Variants in TTN observed in about 807,000 individuals in gnomAD.
The protein encoded by TTN is connectin.
Under a neutral mutation model 3,223.0 loss-of-function variants are expected in TTN, and 1,525 were observed. The ratio of observed to expected loss-of-function variants is 0.47; its 90% CI spans 0.45 to 0.49. The LOEUF is 0.49. TTN is among the 20% of genes least tolerant of loss of function. TTN has a pLI of 0.00. For missense variants in TTN, 40,786 were observed against 43,424.0 expected (o/e 0.94, Z 5.40); for synonymous variants, 14,094 against 15,161.0 (o/e 0.93, Z 5.17).
intron 106 of TTN, 147 bp downstream of exon 106, chr2:178,704,000 G>T: frequency 9.7e-7 from 1 of 1,036,268 alleles, no homozygotes; most frequent in Non-Finnish European, 1.4e-6. Context: ...TATGAACTTT[G>T]AGATGAATAC....
In TTN at chr2:178,719,768, T is replaced by C; in HGVS notation, c.23724A>G (p.Leu7908=). The C allele has an allele frequency of 6.2e-7, 1 of 1,613,632 alleles. No homozygotes were observed. Among genetic ancestry groups the C allele is most frequent in the Admixed American group, 1.7e-5 (1 of 60,002 alleles). ...CTGGTGTTCCAGTCACTACACACTC[T>C]AATGCAAAAGGATTTCCAGTAGTGA... ...MTVTTGNPFA[L]ECVVTGTPEL... Residue 7908 remains leucine (L), a synonymous_variant, in exon 82 of 363, where the codon TTA becomes TTG. Coordinates refer to ENST00000589042, the MANE Select transcript of TTN (RefSeq NM_001267550.2).
intron 99 of TTN, among the ~76,000 whole-genome samples, chr2:178,708,306 T>A (rs1039346750): frequency 1.3e-5 from 2 of 152,224 alleles, no homozygotes; most frequent in Non-Finnish European, 2.9e-5. Context: ...GATGTTCATC[T>A]TTAGCTATTA....
intron 120 of TTN, 82 bp from the exon 121 acceptor site, chr2:178,692,181 C>A (rs777496613): frequency 7.9e-5 from 103 of 1,302,348 alleles, no homozygotes; most frequent in Admixed American, 1.5e-4. Flanking sequence ...AAGCATAAAT[C>A]TTCACTAACA....
At position 178,770,442 on chromosome 2, in the gene TTN, G is replaced by T; in HGVS notation, c.8350C>A (p.Leu2784Ile). Residue 2784 changes from leucine (L) to isoleucine (I), a missense_variant, in exon 35 of 363, where the codon CTT (leucine) becomes ATT (isoleucine). Transcript: ENST00000589042. ...ACGTGCAGTCTGGCACTGGCTCCAA[G>T]CCTTCCAAGCCTGAAGCCATAAACA... ...ESVYGFRLGR[L>I]GASARLHVET... 6.2e-7 allele frequency: 1 copy of T among 1,614,126 alleles called. No homozygotes were observed. Among genetic ancestry groups the T allele is most frequent in the Non-Finnish European group, 8.5e-7 (1 of 1,180,004 alleles).
Position 178,565,903 on chromosome 2 carries a change from TTTAAAA to T in TTN, c.80223_80228del (p.Ser26741_Lys26743delinsArg). The T allele has an allele frequency of 6.2e-7, 1 of 1,613,686 alleles. No homozygotes were observed. The highest frequency in any genetic ancestry group is 8.5e-7 in the Non-Finnish European group (1 of 1,179,668). On this transcript the variant is annotated inframe_deletion, in exon 326 of 363. Coordinates refer to ENST00000589042, the MANE Select transcript of TTN (RefSeq NM_001267550.2). The stretch of plus-strand genomic sequence containing the variant: ...TGGCTCCTTCTGTAAGGTTTTCCAC[TTTAAAA>T]CTTGTTTTGCTGCATTTACTACTCA...
chr2:178,544,599 T>A, intron 344 of TTN, 93 bp from the exon 345 acceptor site: 1 of 1,107,400 alleles, frequency 9.0e-7, no homozygotes, highest in Non-Finnish European at 1.3e-6. Context: ...AAAGGCATTA[T>A]TGCTCTTGTC....
intron 13 of TTN, among the ~76,000 whole-genome samples, chr2:178,789,127 A>G (rs2093357313): frequency 6.6e-6 from 1 of 152,130 alleles, no homozygotes; most frequent in African/African-American, 2.4e-5. Flanking sequence ...TAAAATGTTG[A>G]CAATAATGGT....
rs866724412 is a variant in TTN, at chr2:178,740,896, C to T, written c.12337G>A (p.Glu4113Lys). ...TCTTGCTCCAAAATGGATTGCAATT[C>T]CTGAGCTCCCAAAGGAAGCTGACTG... ...LSSQLPLGAQ[E>K]LQSILEQDKL... Residue 4113 changes from glutamate to lysine, a missense_variant, in exon 48 of 363, where the codon GAA becomes AAA. Glu to Lys is a moderately conservative substitution (Grantham distance 56). Coordinates refer to ENST00000589042, the MANE Select transcript of TTN (RefSeq NM_001267550.2). The T allele has an allele frequency of 6.2e-7, 1 of 1,613,850 alleles. No individual in the cohort carries two copies. Among genetic ancestry groups the T allele is most frequent in the Non-Finnish European group, 8.5e-7 (1 of 1,179,838 alleles).
In TTN at chr2:178,713,320, T is replaced by C. The variant is rs764770520; in HGVS notation, c.26814A>G (p.Leu8938=). 1.9e-5 allele frequency: 30 copies of C among 1,576,456 alleles called. No individual in the cohort carries two copies. The highest frequency in any genetic ancestry group is 2.6e-5 in the Non-Finnish European group (30 of 1,159,350). The part of the protein sequence containing the change: ...FTRKLKETNG[L]SGSSVVMECK... ...ACTCCATTACAACTGAGGAGCCGGA[T>C]AGACCATTTGTCTCTTTCAATTTTC... The change falls in exon 93 of 363, where the codon CTA becomes CTG. Residue 8938 remains leucine (L), a synonymous_variant. Coordinates refer to ENST00000589042, the MANE Select transcript of TTN (RefSeq NM_001267550.2).
rs765512040 is a variant in TTN at position 178,717,226 on chromosome 2, T to C, written c.25508A>G (p.Lys8503Arg). The C allele has an allele frequency of 5.0e-6, 8 of 1,613,712 alleles. No individual in the cohort carries two copies. In the Middle Eastern group the frequency reaches 8.3e-4, roughly 166 times the overall value. Residue 8503 changes from lysine to arginine, a missense_variant, in exon 88 of 363, where the codon AAG (lysine) becomes AGG (arginine). Physicochemically the swap from Lys to Arg is conservative, Grantham distance 26 (BLOSUM62 2). Coordinates refer to ENST00000589042, the MANE Select transcript of TTN (RefSeq NM_001267550.2). ...NREIRPGGNY[K>R]MTLVENTATL... ...GGCAGTATTTTCTACCAAAGTCATC[T>C]TGTAGTTGCCTCCAGGGCGAATCTC...
chr2:178,676,046 G>C, intron 147 of TTN, 51 bp from the exon 148 acceptor site: 1 of 1,526,708 alleles, frequency 6.6e-7, no homozygotes. Context: ...GACAAAAAAA[G>C]AGAAACCAAG....
chr2:178,602,251 A>C, intron 283 of TTN, 31 bp downstream of exon 283: 1 of 1,601,836 alleles, frequency 6.2e-7, no homozygotes, highest in Non-Finnish European at 8.5e-7. Context: ...AGATCAAAAG[A>C]GGAATACATA....
Position 178,554,897 on chromosome 2 carries a change from G to A in TTN, c.88562C>T (p.Ser29521Leu), listed in dbSNP as rs1436663696. 1 of 1,613,880 alleles carries A rather than the reference G, an allele frequency of 6.2e-7. No homozygotes were observed. Among genetic ancestry groups the A allele is most frequent in the Admixed American group, 1.7e-5 (1 of 60,014 alleles). Residue 29521 changes from serine (S) to leucine (L), a missense_variant, in exon 331 of 363, where the codon TCA becomes TTA. Transcript: ENST00000589042. ...YELKLRNAMG[S>L]ASATIRVQIL... Reference sequence around the variant, plus strand: ...CTGTACTCTGATGGTGGCTGAGGCTGAGCCCATGGCATTCCTTAGTTTTAA... The same window carrying A: ...CTGTACTCTGATGGTGGCTGAGGCTAAGCCCATGGCATTCCTTAGTTTTAA...
In TTN at chr2:178,577,217, C is replaced by A. The variant is rs2046630648; in HGVS notation, c.69118G>T (p.Val23040Leu). The A allele has an allele frequency of 1.9e-6, 3 of 1,612,778 alleles. No individual in the cohort carries two copies. Among genetic ancestry groups the A allele is most frequent in the African/African-American group, 1.3e-5 (1 of 74,820 alleles). ...TCAACAGGACCTGGGGGACCAGGTACATCAAGGACTGTTACCTTCACATGT... is the reference window on the plus strand; with the variant it reads ...TCAACAGGACCTGGGGGACCAGGTAAATCAAGGACTGTTACCTTCACATGT... ...VEHVKVTVLD[V>L]PGPPGPVEIS... Residue 23040 changes from valine (V) to leucine (L), a missense_variant, in exon 324 of 363, where the codon GTA becomes TTA. Coordinates refer to ENST00000589042, the MANE Select transcript of TTN (RefSeq NM_001267550.2).
Position 178,777,177 on chromosome 2 carries a change from T to A in TTN, c.4786A>T (p.Ile1596Phe). 3 of 1,614,138 alleles carry A rather than the reference T, an allele frequency of 1.9e-6. No homozygotes were observed. Among genetic ancestry groups the A allele is most frequent in the Non-Finnish European group, 2.5e-6 (3 of 1,179,980 alleles). Reference sequence around the variant, plus strand: ...ATTTTGGGATATTTATGAGGCACAATGATGTCACTGTTTTTCAACCATACA... The same window carrying A: ...ATTTTGGGATATTTATGAGGCACAAAGATGTCACTGTTTTTCAACCATACA... ...DIVWLKNSDI[I>F]VPHKYPKIRI... Residue 1596 changes from isoleucine to phenylalanine, a missense_variant, in exon 27 of 363, where the codon ATT (isoleucine) becomes TTT (phenylalanine). Coordinates refer to ENST00000589042, the MANE Select transcript of TTN (RefSeq NM_001267550.2).
At chr2:178,751,778 T>C (rs754449136) in intron 47 of TTN, 20 of 1,613,060 alleles carry the variant, frequency 1.2e-5, no homozygotes, top group Admixed American at 3.3e-5. Flanking sequence ...GATGGGCCGA[T>C]TGTTATGAAA....
intron 41 of TTN, among the ~76,000 whole-genome samples, chr2:178,765,321 T>C (rs1696953377): frequency 6.6e-6 from 1 of 152,222 alleles, no homozygotes; most frequent in South Asian, 2.1e-4. Flanking sequence ...GAATTAACAC[T>C]ATTTCAGATC....
chr2:178,652,445 C>T lies in TTN; in HGVS notation c.39127+13G>A, dbSNP rs1190252160. On this transcript the variant is annotated intron_variant, in intron 202 of 362. Transcript: ENST00000589042. ...AGTTTGATCATCTGAAGCCTAAAATCAGTGACAAATACCTTTAACAGGTGT... is the reference window on the plus strand; with the variant it reads ...AGTTTGATCATCTGAAGCCTAAAATTAGTGACAAATACCTTTAACAGGTGT... 1 of 1,612,848 alleles carries T rather than the reference C, an allele frequency of 6.2e-7. No individual in the cohort carries two copies. The highest frequency in any genetic ancestry group is 8.5e-7 in the Non-Finnish European group (1 of 1,179,414).
intron 2 of TTN, among the ~76,000 whole-genome samples, chr2:178,803,607 AAAG>A (rs1391442829): frequency 6.6e-6 from 1 of 151,928 alleles, no homozygotes; most frequent in Non-Finnish European, 1.5e-5. Context: ...AAAGAGAAAA[AAAG>A]AAATTTTATT....
Sources: allele counts gnomAD v4.1 joint callset (sites outside exome capture counted in the v4.1 genomes callset), GRCh38; gene constraint gnomAD v4.1.1; transcripts MANE v1.5; gene names NCBI Gene and HGNC (gene_info 2026-07-23, HGNC 2026-07-21).